MTURN: variants seen among roughly 807,000 people sequenced by gnomAD.
The protein encoded by MTURN is maturin, neural progenitor differentiation regulator homolog.
MTURN carries 7 observed loss-of-function variants against 14.9 expected under a neutral mutation model. The ratio of observed to expected loss-of-function variants is 0.47; its 90% CI spans 0.27 to 0.88. The LOEUF is 0.88. MTURN is among the 40% of genes least tolerant of loss of function. The pLI, the probability that MTURN is intolerant of heterozygous loss-of-function variation, is 0.14. For synonymous variants in MTURN, 69 were observed against 72.5 expected, an observed-to-expected ratio of 0.95 and a Z score of 0.25; for missense variants, 151 against 174.1, an observed-to-expected ratio of 0.87 and a Z score of 0.75.
At chr7:30,135,609 C>G (rs1344048964) in intron 1 of MTURN, among the ~76,000 whole-genome samples, 1 of 152,184 alleles carries the variant, frequency 6.6e-6, no homozygotes, top group East Asian at 1.9e-4. Flanking sequence ...TTTCGGGAAC[C>G]CGACCTCGCG....
chr7:30,141,906 C>A (rs73689415), intron 1 of MTURN, among the ~76,000 whole-genome samples: 5,172 of 152,222 alleles, frequency 0.034, 251 homozygotes, highest in African/African-American at 0.11. Context: ...CTTCAGTACT[C>A]CAGTAAGAGT....
At chr7:30,137,771 C>G (rs1796988689) in intron 1 of MTURN, 2 of 432,014 alleles carry the variant, frequency 4.6e-6, no homozygotes, top group African/African-American at 4.1e-5. Context: ...ATGTATTAAG[C>G]ATTAGACAAA....
chr7:30,157,602 T>A lies in MTURN; in HGVS notation c.*54T>A. 1.5e-6 allele frequency: 2 copies of A among 1,334,264 alleles called. No individual in the cohort carries two copies. The highest frequency in any genetic ancestry group is 2.5e-5 in the East Asian group (1 of 39,252). 82.7% of individuals were successfully genotyped at this position (1,334,264 alleles called of 1,614,324 possible). Reference sequence around the variant, plus strand: ...GAGCCCCACAGTAACCTAGGTGGGGTCACTGCCCCTCCTGGGTTAGCATTT... The same window carrying A: ...GAGCCCCACAGTAACCTAGGTGGGGACACTGCCCCTCCTGGGTTAGCATTT... On this transcript the variant is annotated 3_prime_UTR_variant, in exon 3 of 3. Transcript: ENST00000324453.
intron 1 of MTURN, 118 bp downstream of exon 1, chr7:30,135,416 C>G (rs1012860302): frequency 9.4e-5 from 73 of 777,462 alleles, no homozygotes; most frequent in Non-Finnish European, 1.0e-4. Flanking sequence ...GGGCCGTAAC[C>G]CGCGCCCCGC....
chr7:30,140,195 A>C (rs1374192687), intron 1 of MTURN, among the ~76,000 whole-genome samples: 1 of 152,068 alleles, frequency 6.6e-6, no homozygotes, highest in African/African-American at 2.4e-5. Flanking sequence ...GATCCTGATG[A>C]TTGTGGGAGA....
intron 2 of MTURN, among the ~76,000 whole-genome samples, chr7:30,154,732 A>C (rs1797260706): frequency 6.6e-6 from 1 of 152,172 alleles, no homozygotes; most frequent in Admixed American, 6.5e-5. Context: ...CCCTACACTA[A>C]GGTGCCTCCA....
At chr7:30,135,471 G>A (rs1406187849) in intron 1 of MTURN, among the ~76,000 whole-genome samples, 173 bp downstream of exon 1, 1 of 151,154 alleles carries the variant, frequency 6.6e-6, no homozygotes, top group Non-Finnish European at 1.5e-5. Flanking sequence ...GGCGGTGCGG[G>A]CTCCGCTGCC....
In MTURN at chr7:30,159,547, T is replaced by G. The variant is rs372797322; in HGVS notation, c.*1999T>G. ...TTTTATCAAAAAAGTGTTTAGACTT[T>G]GACCAAATACATGTTGGTATTATCA... On this transcript the variant is annotated 3_prime_UTR_variant, in exon 3 of 3. Transcript: ENST00000324453. 3.9e-5 allele frequency: 6 copies of G among 152,672 alleles called. No homozygotes were observed. Among genetic ancestry groups the G allele is most frequent in the African/African-American group, 1.4e-4 (6 of 41,460 alleles). The allele number at this position is 152,672 out of a possible 1,614,324, so 9.5% of individuals were successfully genotyped here.
intron 2 of MTURN, among the ~76,000 whole-genome samples, chr7:30,148,969 G>A (rs1036350848): frequency 1.3e-5 from 2 of 152,084 alleles, no homozygotes; most frequent in South Asian, 2.1e-4. Context: ...CCTCACAGGG[G>A]CTCACTCATT....
At chr7:30,145,525 A>G (rs1797116543) in intron 1 of MTURN, among the ~76,000 whole-genome samples, 1 of 152,162 alleles carries the variant, frequency 6.6e-6, no homozygotes, top group East Asian at 1.9e-4. Context: ...CAAAAAATCT[A>G]AAACCGATCT....
rs1797371972 is a variant in MTURN at position 30,161,372 on chromosome 7, G to T, written c.*3824G>T. On this transcript the variant is annotated 3_prime_UTR_variant, in exon 3 of 3. Coordinates refer to ENST00000324453, the MANE Select transcript of MTURN (RefSeq NM_152793.3). ...CTTTCCTCAAAGGAACTGACTGTAT[G>T]TTGAGAGGCAATGCCTTGTGTTGGC... 1 of 152,210 alleles carries T rather than the reference G, an allele frequency of 6.6e-6. No individual in the cohort carries two copies. Among genetic ancestry groups the T allele is most frequent in the Non-Finnish European group, 1.5e-5 (1 of 68,040 alleles). 9.4% of individuals were successfully genotyped at this position (152,210 alleles called of 1,614,324 possible).
At chr7:30,141,518 G>A (rs944232417) in intron 1 of MTURN, 1 of 152,108 alleles carries the variant, frequency 6.6e-6, no homozygotes, top group Non-Finnish European at 1.5e-5. Context: ...ACAAGAATCA[G>A]GGTTTTGTTT....
At position 30,146,109 on chromosome 7, in the gene MTURN, T is replaced by C. The variant is rs552573221; in HGVS notation, c.163-68T>C. 2.8e-5 allele frequency: 45 copies of C among 1,604,282 alleles called. No homozygotes were observed. The South Asian group carries it at 5.0e-4, about 18-fold the overall frequency. On this transcript the variant is annotated intron_variant, in intron 1 of 2. Transcript: ENST00000324453. The stretch of plus-strand genomic sequence containing the variant: ...ATTAAGAAAATCTGCTTGGCTTTTC[T>C]GAACTTCACACTGAGTGTAGTGACT...
chr7:30,154,355 C>G (rs1402055941), intron 2 of MTURN, among the ~76,000 whole-genome samples: 1 of 152,200 alleles, frequency 6.6e-6, no homozygotes, highest in African/African-American at 2.4e-5. Flanking sequence ...TTTTAATCCC[C>G]TATAACGACC....
intron 2 of MTURN, among the ~76,000 whole-genome samples, chr7:30,148,039 G>A (rs549868564): frequency 6.6e-6 from 1 of 152,186 alleles, no homozygotes; most frequent in Admixed American, 6.5e-5. Flanking sequence ...GTGCTCCAGT[G>A]GGGGGAGACA....
At position 30,157,200 on chromosome 7, in the gene MTURN, TA is replaced by T. The variant is rs534720635; in HGVS notation, c.286-233del. On this transcript the variant is annotated intron_variant, in intron 2 of 2. Transcript: ENST00000324453. ...ATATGTGGTGCCACATTTTGATACT[TA>T]AAAATAGAGACTCTCCAGGCTCCCC... Among the ~76,000 whole-genome samples the T allele has an allele frequency of 4.7e-3, 714 of 152,284 alleles. 4 individuals are homozygous for T. The highest frequency in any genetic ancestry group is 7.5e-3 in the Non-Finnish European group (513 of 68,002).
At position 30,161,423 on chromosome 7, in the gene MTURN, C is replaced by T. The variant is rs2128035483; in HGVS notation, c.*3875C>T. ...ATGGCTTTGCCACTTTAAAAGTGCC[C>T]CCCAGCCAAGGAGACCAACAGGAAC... On this transcript the variant is annotated 3_prime_UTR_variant, in exon 3 of 3. Coordinates refer to ENST00000324453, the MANE Select transcript of MTURN (RefSeq NM_152793.3). 1 of 152,324 alleles carries T rather than the reference C, an allele frequency of 6.6e-6. No homozygotes were observed. Among genetic ancestry groups the T allele is most frequent in the South Asian group, 2.1e-4 (1 of 4,822 alleles). The allele number at this position is 152,324 out of a possible 1,614,324, so 9.4% of individuals were successfully genotyped here. A position where few individuals can be genotyped will look rare whatever the true frequency, so the allele number is the denominator to read the frequency against.
intron 1 of MTURN, chr7:30,141,332 T>C (rs1797048615): frequency 6.7e-6 from 1 of 149,794 alleles, no homozygotes; most frequent in Admixed American, 6.7e-5. Flanking sequence ...GGAGAATCAA[T>C]TGATCCCGGG....
At chr7:30,137,432 A>G (rs1211726129) in intron 1 of MTURN, 1 of 347,396 alleles carries the variant, frequency 2.9e-6, no homozygotes, top group Non-Finnish European at 5.8e-6. Context: ...TTCAGAAGTA[A>G]GAAGTATTAT....
Sources: gnomAD v4.1 joint callset for allele counts (sites outside exome capture counted in the v4.1 genomes callset) on GRCh38, gnomAD v4.1.1 for gene constraint, MANE v1.5 for transcripts, NCBI Gene and HGNC (gene_info 2026-07-23, HGNC 2026-07-21) for gene names.